Variants in HECTD4 observed in about 807,000 individuals in gnomAD.
HECTD4 encodes probable E3 ubiquitin-protein ligase HECTD4.
HECTD4 carries 114 observed loss-of-function variants against 471.5 expected under a neutral mutation model. The ratio of observed to expected loss-of-function variants is 0.24; its 90% CI spans 0.21 to 0.28. The LOEUF is 0.28. HECTD4 is among the 10% of genes least tolerant of loss of function. The probability of loss-of-function intolerance (pLI) is 1.00; values close to 1 mark genes in which losing one functional copy is unlikely to be tolerated. For missense variants in HECTD4, 3,866 were observed against 5,651.5 expected (o/e 0.68, Z 10.13); for synonymous variants, 2,012 against 2,256.0 (o/e 0.89, Z 3.07).
chr12:112,242,637 C>T (rs12423968), intron 32 of HECTD4, among the ~76,000 whole-genome samples: 15,629 of 148,862 alleles, frequency 0.1, 975 homozygotes, highest in East Asian at 0.23. Flanking sequence ...AGGCTGGGCA[C>T]GGTGGCTCAT....
At chr12:112,280,999 C>A (rs1207341658) in intron 8 of HECTD4, among the ~76,000 whole-genome samples, 2 of 152,000 alleles carry the variant, frequency 1.3e-5, no homozygotes, top group African/African-American at 4.8e-5. Context: ...CCATGTTGGC[C>A]AGGCTGGTCT....
intron 1 of HECTD4, among the ~76,000 whole-genome samples, chr12:112,349,388 C>CAAAAAAAAAAAAAAAAAAAAAA (rs60480485): frequency 1.8e-5 from 1 of 54,716 alleles, no homozygotes; most frequent in African/African-American, 6.6e-5. Flanking sequence ...ACTCTTGCTC[C>CAAAAAAAAAAAAAAAAAAAAAA]AAAAAAAAAA....
chr12:112,224,268 C>CT lies in HECTD4; in HGVS notation c.6970+2374dup, dbSNP rs1275351500. ...CCTAATAAGTGAGTTATTAAGGATT[C>CT]TTTTTTTTTTTTTTTGAGATGGAGT... On this transcript the variant is annotated intron_variant, in intron 44 of 75. Transcript: ENST00000682272. 3.6e-3 allele frequency among the ~76,000 whole-genome samples: 505 copies of CT among 140,312 alleles called. 3 individuals carry two copies. The highest frequency in any genetic ancestry group is 0.027 in the South Asian group (118 of 4,396). The allele number at this position is 140,312 out of a possible 152,430, so 92.1% of individuals were successfully genotyped here. A position where few individuals can be genotyped will look rare whatever the true frequency, so the allele number is the denominator to read the frequency against.
At chr12:112,295,292 A>G (rs1302853736) in intron 7 of HECTD4, among the ~76,000 whole-genome samples, 1 of 152,110 alleles carries the variant, frequency 6.6e-6, no homozygotes, top group Non-Finnish European at 1.5e-5. Context: ...TTTATTTTAT[A>G]CAAAATATTT....
intron 52 of HECTD4, among the ~76,000 whole-genome samples, chr12:112,206,559 C>T (rs867228675): frequency 1.9e-4 from 22 of 115,904 alleles, no homozygotes; most frequent in South Asian, 6.1e-4. Flanking sequence ...TTTTTTGAGA[C>T]GGAGTCTGGC....
Position 112,179,445 on chromosome 12 carries a change from G to T in HECTD4, c.10988-48C>A. On this transcript the variant is annotated intron_variant, in intron 62 of 75. Transcript: ENST00000682272. This position sits in a 1 kb window ranked among gnomAD's most constrained non-coding sequence, Gnocchi z 4.3. ...AACAATTCTGCCGTGAACATGCATCGGGACAAGCCCTGCGAGCATTCTGTT... is the reference window on the plus strand; with the variant it reads ...AACAATTCTGCCGTGAACATGCATCTGGACAAGCCCTGCGAGCATTCTGTT... 6.7e-7 allele frequency: 1 copy of T among 1,483,278 alleles called. No homozygotes were observed. The highest frequency in any genetic ancestry group is 9.3e-7 in the Non-Finnish European group (1 of 1,077,550). The allele number at this position is 1,483,278 out of a possible 1,614,324, so 91.9% of individuals were successfully genotyped here.
chr12:112,306,038 A>G, intron 7 of HECTD4, 26 bp downstream of exon 7: 1 of 1,580,254 alleles, frequency 6.3e-7, no homozygotes, highest in Non-Finnish European at 8.6e-7. Flanking sequence ...TTCTGCAAAG[A>G]TACAAGCGAG....
rs11066208 is a variant in HECTD4, at chr12:112,238,864, G to A, written c.5290+188C>T. ...TACAGGGATATCATTCAGTCTCATC[G>A]TAATGCTGTAAGTTTTTATAAAACC... On this transcript the variant is annotated intron_variant, in intron 34 of 75. Coordinates refer to ENST00000682272, the MANE Select transcript of HECTD4 (RefSeq NM_001388303.1). Among the ~76,000 whole-genome samples the A allele has an allele frequency of 0.056, 8,449 of 152,180 alleles. 1,294 individuals carry two copies. In the East Asian group the frequency reaches 0.61, roughly 11 times the overall value.
chr12:112,372,907 A>C (rs1429110693), intron 1 of HECTD4, among the ~76,000 whole-genome samples: 2 of 151,812 alleles, frequency 1.3e-5, no homozygotes, highest in African/African-American at 4.8e-5. Flanking sequence ...AGTGCATGCC[A>C]CCACGCCCAG....
intron 19 of HECTD4, 28 bp downstream of exon 19, chr12:112,259,084 G>C: frequency 6.4e-7 from 1 of 1,572,722 alleles, no homozygotes. Context: ...CCAAAAAGCA[G>C]TTCACTTTGG....
chr12:112,239,991 C>A lies in HECTD4; in HGVS notation c.4995G>T (p.Gln1665His), dbSNP rs978241694. The A allele has an allele frequency of 5.0e-6, 8 of 1,613,870 alleles. No individual in the cohort carries two copies. In the African/African-American group the frequency reaches 9.3e-5, roughly 19 times the overall value. Residue 1665 changes from glutamine (Q) to histidine (H), a missense_variant, in exon 33 of 76, where the codon CAG (glutamine) becomes CAT (histidine). This residue lies in a region of HECTD4 where 229 missense variants were observed against 386.4 expected (regional missense o/e 0.59). Transcript: ENST00000682272. The surrounding 1 kb of genome is among the most constrained non-coding windows in gnomAD (Gnocchi z 4.9). ...TGGTCTCGCCAAAGGCTTCCTGGAC[C>A]TGCTCGACCATCCCACCACATGTGA... ...EELTCGGMVE[Q>H]VQEAFGETMT...
At chr12:112,270,947 T>C (rs1189518396) in intron 11 of HECTD4, among the ~76,000 whole-genome samples, 2 of 152,196 alleles carry the variant, frequency 1.3e-5, no homozygotes, top group Non-Finnish European at 1.5e-5. Flanking sequence ...TAGCTCCTCA[T>C]GTTTTGACAT....
chr12:112,203,637 G>A lies in HECTD4; in HGVS notation c.8405C>T (p.Ser2802Leu). The A allele has an allele frequency of 6.2e-7, 1 of 1,612,490 alleles. No individual in the cohort carries two copies. Among genetic ancestry groups the A allele is most frequent in the Non-Finnish European group, 8.5e-7 (1 of 1,179,236 alleles). ...TAATCAGAATGGCTGTTCACTCACT[G>A]AATCAACATCTAAGACGACTCCATG... is the stretch of plus-strand genomic sequence containing the variant. ...GLHGVVLDVD[S>L]VNELVQVETY... Residue 2802 changes from serine (S) to leucine (L), a missense_variant and splice_region_variant, in exon 54 of 76, where the codon TCA becomes TTA. This residue lies in a region of HECTD4 where 266 missense variants were observed against 441.6 expected (regional missense o/e 0.60). Coordinates refer to ENST00000682272, the MANE Select transcript of HECTD4 (RefSeq NM_001388303.1).
chr12:112,180,539 A>C (rs372556084), intron 62 of HECTD4, among the ~76,000 whole-genome samples: 10 of 151,896 alleles, frequency 6.6e-5, no homozygotes, highest in East Asian at 5.8e-4. Context: ...TTTAAAAAAA[A>C]AAAAACAACA....
intron 66 of HECTD4, among the ~76,000 whole-genome samples, chr12:112,174,836 C>T (rs774661789): frequency 7.2e-5 from 11 of 152,194 alleles, no homozygotes; most frequent in African/African-American, 7.2e-5. Flanking sequence ...TGTGAGGCAC[C>T]GCGCCTGGCC....
intron 29 of HECTD4, among the ~76,000 whole-genome samples, chr12:112,245,475 T>G (rs1487724978): frequency 6.6e-6 from 1 of 152,230 alleles, no homozygotes; most frequent in African/African-American, 2.4e-5. Context: ...CTTATGTGTA[T>G]AGCAGACCAT....
intron 7 of HECTD4, among the ~76,000 whole-genome samples, chr12:112,294,690 G>C (rs1322012920): frequency 6.6e-6 from 1 of 152,046 alleles, no homozygotes. Context: ...AACAGCTCTT[G>C]TTAGCGCTGC....
rs547911799 is a variant in HECTD4 at position 112,235,383 on chromosome 12, GT to G, written c.5726-118del. 2,084 of 1,480,934 alleles carry G rather than the reference GT, an allele frequency of 1.4e-3. 7 individuals are homozygous for G. Among genetic ancestry groups the G allele is most frequent in the South Asian group, 6.0e-3 (447 of 74,404 alleles). 91.7% of individuals were successfully genotyped at this position (1,480,934 alleles called of 1,614,324 possible). A position where few individuals can be genotyped will look rare whatever the true frequency, so the allele number is the denominator to read the frequency against. ...TCTTTCTTCCCCCTTCTCTATTCCT[GT>G]CCCCGCTCCCTTCTCTGTCACTCAC... is the stretch of plus-strand genomic sequence containing the variant. On this transcript the variant is annotated intron_variant, in intron 36 of 75. Transcript: ENST00000682272. This position sits in a 1 kb window ranked among gnomAD's most constrained non-coding sequence, Gnocchi z 5.0.
At chr12:112,359,961 G>A (rs2036419553) in intron 1 of HECTD4, among the ~76,000 whole-genome samples, 1 of 152,196 alleles carries the variant, frequency 6.6e-6, no homozygotes. Context: ...AGAGAATTAA[G>A]AGGGAGGAAT....
Sources: gnomAD v4.1 joint callset for allele counts (sites outside exome capture counted in the v4.1 genomes callset) on GRCh38, gnomAD v4.1.1 for gene constraint, gnomAD v4.1.1 regional missense constraint, Gnocchi (gnomAD v3.1) non-coding constraint, MANE v1.5 for transcripts, NCBI Gene and HGNC (gene_info 2026-07-23, HGNC 2026-07-21) for gene names.